Variants in COPA observed in about 807,000 individuals in gnomAD.
The protein encoded by COPA is coatomer subunit alpha.
COPA carries 10 observed loss-of-function variants against 158.7 expected under a neutral mutation model. That is an observed-to-expected ratio of 0.06 (90% CI 0.04 to 0.11). The LOEUF is 0.11. Among genes scored for constraint, COPA ranks in the 10% least tolerant of loss-of-function variants. The probability of loss-of-function intolerance (pLI) is 1.00; values close to 1 mark genes in which losing one functional copy is unlikely to be tolerated. For missense variants in COPA, 1,065 were observed against 1,536.7 expected, an observed-to-expected ratio of 0.69 and a Z score of 5.13; for synonymous variants, 462 against 542.8, an observed-to-expected ratio of 0.85 and a Z score of 2.07.
At chr1:160,326,750 G>A (rs1647242300) in intron 6 of COPA, among the ~76,000 whole-genome samples, 1 of 152,162 alleles carries the variant, frequency 6.6e-6, no homozygotes, top group Non-Finnish European at 1.5e-5. Flanking sequence ...AAACTGTCAT[G>A]TCATTTTAAG....
At chr1:160,332,871 T>G (rs191105472) in intron 5 of COPA, among the ~76,000 whole-genome samples, 61 of 152,356 alleles carry the variant, frequency 4.0e-4, no homozygotes, top group Admixed American at 4.0e-3. Flanking sequence ...ATACTGTAAA[T>G]TATCTGTGAG....
Position 160,314,065 on chromosome 1 carries a change from A to G in COPA, c.767T>C (p.Val256Ala), listed in dbSNP as rs1315746682. The G allele has an allele frequency of 1.2e-6, 2 of 1,613,928 alleles. No individual in the cohort carries two copies. The highest frequency in any genetic ancestry group is 4.5e-5 in the East Asian group (2 of 44,878). The change falls in exon 9 of 33, where the codon GTC (valine) becomes GCC (alanine). Residue 256 changes from valine (V) to alanine (A), a missense_variant. Physicochemically the swap from Val to Ala is moderately conservative, Grantham distance 64. Coordinates refer to ENST00000241704, the MANE Select transcript of COPA (RefSeq NM_004371.4). Reference sequence around the variant, plus strand: ...GATCAACTCTTGGCGAGGGTGGAAGACGGCACAAGATACATTGTTGTAATG... The same window carrying G: ...GATCAACTCTTGGCGAGGGTGGAAGGCGGCACAAGATACATTGTTGTAATG... ...RGHYNNVSCA[V>A]FHPRQELILS...
chr1:160,335,354 A>G, intron 3 of COPA, 32 bp from the exon 4 acceptor site: 14 of 1,579,552 alleles, frequency 8.9e-6, no homozygotes, highest in Non-Finnish European at 1.0e-5. Context: ...AGAAACAGAA[A>G]TAGTTATTGA....
chr1:160,327,854 T>C (rs932873807), intron 6 of COPA, among the ~76,000 whole-genome samples: 1 of 152,154 alleles, frequency 6.6e-6, no homozygotes, highest in African/African-American at 2.4e-5. Flanking sequence ...TGAAACTCCG[T>C]CTCAAAAAAA....
chr1:160,327,354 T>C lies in COPA; in HGVS notation c.497-1702A>G, dbSNP rs149892334. Among the ~76,000 whole-genome samples the C allele has an allele frequency of 8.8e-3, 1,319 of 150,388 alleles. 8 individuals carry two copies. The highest frequency in any genetic ancestry group is 0.027 in the Middle Eastern group (8 of 292). ...GAGTTTGAGGTCTGCCTGGCTAACATGGCAAAACCCCGTCTCTACTAAACA... is the reference window on the plus strand; with the variant it reads ...GAGTTTGAGGTCTGCCTGGCTAACACGGCAAAACCCCGTCTCTACTAAACA... On this transcript the variant is annotated intron_variant, in intron 6 of 32. Coordinates refer to ENST00000241704, the MANE Select transcript of COPA (RefSeq NM_004371.4).
intron 8 of COPA, among the ~76,000 whole-genome samples, chr1:160,320,249 G>A (rs1403636831): frequency 6.6e-6 from 1 of 152,056 alleles, no homozygotes; most frequent in Non-Finnish European, 1.5e-5. Flanking sequence ...TTACGAGAAT[G>A]ACATGCCAAC....
At chr1:160,302,736 A>G (rs1658654586) in intron 17 of COPA, among the ~76,000 whole-genome samples, 1 of 151,502 alleles carries the variant, frequency 6.6e-6, no homozygotes, top group Non-Finnish European at 1.5e-5. Context: ...TTGTATTTTT[A>G]GTAGAGATGG....
rs1255560256 is a variant in COPA, at chr1:160,290,011, T to C, written c.*146A>G. The stretch of plus-strand genomic sequence containing the variant: ...CAAGTTTAGACCTTCGGATTTTCCA[T>C]AGAAGAGAAAAAGATACTAGGTTTT... On this transcript the variant is annotated 3_prime_UTR_variant, in exon 33 of 33. Transcript: ENST00000241704. 6 of 756,626 alleles carry C rather than the reference T, an allele frequency of 7.9e-6. No homozygotes were observed. Among genetic ancestry groups the C allele is most frequent in the South Asian group, 1.9e-5 (1 of 54,002 alleles). The allele number at this position is 756,626 out of a possible 1,614,324, so 46.9% of individuals were successfully genotyped here.
chr1:160,312,735 T>C (rs1429002505), intron 10 of COPA, among the ~76,000 whole-genome samples: 1 of 152,226 alleles, frequency 6.6e-6, no homozygotes, highest in Non-Finnish European at 1.5e-5. Context: ...TAGCATGTGA[T>C]GGTGACATGC....
chr1:160,339,812 T>G (rs1647951079), intron 3 of COPA, 97 bp downstream of exon 3: 1 of 1,117,074 alleles, frequency 9.0e-7, no homozygotes, highest in African/African-American at 1.5e-5. Flanking sequence ...CTGAGCTCTG[T>G]ATGAATGAAA....
intron 8 of COPA, among the ~76,000 whole-genome samples, chr1:160,321,185 A>G (rs1659321914): frequency 6.6e-6 from 1 of 152,216 alleles, no homozygotes; most frequent in Non-Finnish European, 1.5e-5. Flanking sequence ...GGGTAGAGAA[A>G]GAGCATACCT....
intron 8 of COPA, among the ~76,000 whole-genome samples, chr1:160,316,322 C>T (rs1403671880): frequency 6.6e-6 from 1 of 151,004 alleles, no homozygotes; most frequent in Non-Finnish European, 1.5e-5. Flanking sequence ...TGTACCATTG[C>T]ACTCCAGCCT....
At chr1:160,294,737 C>A (rs1314859735) in intron 24 of COPA, 31 bp downstream of exon 24, 2 of 1,611,808 alleles carry the variant, frequency 1.2e-6, no homozygotes, top group Admixed American at 1.7e-5. Context: ...GTGTCCATCA[C>A]CCCAGAACAG....
At chr1:160,292,865 T>C (rs1658286085) in intron 27 of COPA, among the ~76,000 whole-genome samples, 2 of 152,186 alleles carry the variant, frequency 1.3e-5, no homozygotes, top group Non-Finnish European at 2.9e-5. Context: ...ATAACAATAC[T>C]GGCTTAGTGT....
chr1:160,326,258 G>C (rs978878703), intron 6 of COPA: 1 of 153,446 alleles, frequency 6.5e-6, no homozygotes, highest in Non-Finnish European at 1.5e-5. Context: ...TTGGCGTGGT[G>C]GTTCACGCCT....
chr1:160,320,110 T>G (rs1000885871), intron 8 of COPA, among the ~76,000 whole-genome samples: 2 of 151,956 alleles, frequency 1.3e-5, no homozygotes, highest in African/African-American at 2.4e-5. Flanking sequence ...TTTGAAAAGA[T>G]AGTATCAACA....
At chr1:160,291,678 G>A in intron 30 of COPA, 141 bp downstream of exon 30, 1 of 1,089,970 alleles carries the variant, frequency 9.2e-7, no homozygotes, top group Non-Finnish European at 1.3e-6. Flanking sequence ...ATGAAGAAAT[G>A]TATCCTCCCC....
chr1:160,325,749 G>T (rs11804473), intron 6 of COPA, 97 bp from the exon 7 acceptor site: 21 of 869,740 alleles, frequency 2.4e-5, no homozygotes, highest in Non-Finnish European at 3.5e-5. Flanking sequence ...AAAAAGAAAA[G>T]AAAAAGAAAT....
chr1:160,323,122 T>C (rs562453656), intron 8 of COPA, among the ~76,000 whole-genome samples: 10 of 151,910 alleles, frequency 6.6e-5, no homozygotes, highest in Non-Finnish European at 1.0e-4. Flanking sequence ...GAGACAAATA[T>C]GGCATGTTCT....
Sources: gnomAD v4.1 joint callset for allele counts (sites outside exome capture counted in the v4.1 genomes callset) on GRCh38, gnomAD v4.1.1 for gene constraint, MANE v1.5 for transcripts, NCBI Gene and HGNC (gene_info 2026-07-23, HGNC 2026-07-21) for gene names.